Variants in SGCZ observed in about 807,000 individuals in gnomAD.
The protein encoded by SGCZ is zeta-sarcoglycan.
SGCZ carries 40 observed loss-of-function variants against 41.3 expected under a neutral mutation model. The observed-to-expected ratio is 0.97, with a 90% CI of 0.75 to 1.26. The LOEUF (loss-of-function observed/expected upper bound fraction) is 1.26, where lower values mean the gene tolerates loss of function less well. Among genes scored for constraint, SGCZ ranks in the 50% most tolerant of loss-of-function variants. The pLI, the probability that SGCZ is intolerant of heterozygous loss-of-function variation, is 0.00. For synonymous variants in SGCZ, 206 were observed against 137.5 expected (o/e 1.50, Z -3.49); for missense variants, 552 against 369.8 (o/e 1.49, Z -4.04).
chr8:14,253,815 G>C (rs1799370476), intron 3 of SGCZ, among the ~76,000 whole-genome samples: 1 of 151,968 alleles, frequency 6.6e-6, no homozygotes, highest in South Asian at 2.1e-4. Context: ...ATAAACATTA[G>C]CAAATATTGG....
At chr8:14,545,605 C>A (rs1803601847) in intron 2 of SGCZ, among the ~76,000 whole-genome samples, 1 of 151,996 alleles carries the variant, frequency 6.6e-6, no homozygotes, top group African/African-American at 2.4e-5. Context: ...TCATAAAGTT[C>A]AATGTGTTTA....
rs921302240 is a variant in SGCZ at position 14,500,522 on chromosome 8, A to G, written c.234+54210T>C. Among the ~76,000 whole-genome samples, 3 of 152,122 alleles carry G rather than the reference A, an allele frequency of 2.0e-5. No homozygotes were observed. In the South Asian group the frequency reaches 6.2e-4, roughly 32 times the overall value. On this transcript the variant is annotated intron_variant, in intron 2 of 7. Coordinates refer to ENST00000382080, the MANE Select transcript of SGCZ (RefSeq NM_139167.4). ...TTTAAGTAGACAAAATGGTTCTGCA[A>G]ATAACAATTTTTTCAAGATACAGCA... is the stretch of plus-strand genomic sequence containing the variant.
intron 1 of SGCZ, among the ~76,000 whole-genome samples, chr8:14,723,549 C>G (rs1017046993): frequency 6.6e-6 from 1 of 152,112 alleles, no homozygotes; most frequent in Non-Finnish European, 1.5e-5. Context: ...GGTGCCCATC[C>G]CTCAGGGCAC....
chr8:14,138,785 G>A (rs924945618), intron 5 of SGCZ, among the ~76,000 whole-genome samples: 1 of 152,156 alleles, frequency 6.6e-6, no homozygotes, highest in African/African-American at 2.4e-5. Context: ...AGATCAATGA[G>A]ACAGAAAGTT....
At chr8:14,738,524 A>G (rs1272910371) in intron 1 of SGCZ, among the ~76,000 whole-genome samples, 1 of 152,078 alleles carries the variant, frequency 6.6e-6, no homozygotes, top group African/African-American at 2.4e-5. Context: ...TTAGTCCTCA[A>G]TAGGAGCAGT....
chr8:14,478,628 A>T (rs532399602), intron 2 of SGCZ, among the ~76,000 whole-genome samples: 3 of 152,218 alleles, frequency 2.0e-5, no homozygotes, highest in East Asian at 3.9e-4. Context: ...CAGATTTTTT[A>T]AAAAATGAAA....
At chr8:14,169,697 C>G (rs1369134862) in intron 4 of SGCZ, among the ~76,000 whole-genome samples, 1 of 152,146 alleles carries the variant, frequency 6.6e-6, no homozygotes, top group African/African-American at 2.4e-5. Flanking sequence ...GCATTATTTT[C>G]TCTGACCAAA....
chr8:14,216,586 C>T (rs1806000814), intron 4 of SGCZ, among the ~76,000 whole-genome samples: 1 of 152,128 alleles, frequency 6.6e-6, no homozygotes, highest in African/African-American at 2.4e-5. Context: ...GGGATTTATT[C>T]TAGGTATGCC....
At chr8:14,377,407 T>C (rs1445561210) in intron 2 of SGCZ, among the ~76,000 whole-genome samples, 1 of 152,250 alleles carries the variant, frequency 6.6e-6, no homozygotes, top group South Asian at 2.1e-4. Flanking sequence ...AATCAACTGG[T>C]AATAGGAAGT....
At chr8:14,207,867 G>A (rs988519075) in intron 4 of SGCZ, among the ~76,000 whole-genome samples, 1 of 151,700 alleles carries the variant, frequency 6.6e-6, no homozygotes, top group Non-Finnish European at 1.5e-5. Flanking sequence ...TGCGATTTGG[G>A]GTAGATCTGA....
chr8:14,273,884 G>C (rs1800140555), intron 3 of SGCZ, among the ~76,000 whole-genome samples: 1 of 152,108 alleles, frequency 6.6e-6, no homozygotes, highest in African/African-American at 2.4e-5. Flanking sequence ...TTAGAAGTCT[G>C]AAAGAGGTAA....
chr8:14,676,859 A>G (rs1428189591), intron 1 of SGCZ, among the ~76,000 whole-genome samples: 1 of 152,184 alleles, frequency 6.6e-6, no homozygotes, highest in Non-Finnish European at 1.5e-5. Context: ...CTAACACCAT[A>G]CTTAACGGCT....
chr8:15,214,989 T>C (rs1388364484), intron 1 of SGCZ, among the ~76,000 whole-genome samples: 1 of 152,196 alleles, frequency 6.6e-6, no homozygotes, highest in Non-Finnish European at 1.5e-5. Flanking sequence ...TTGATATTCT[T>C]CCCACACACT....
At chr8:14,657,777 G>T (rs991444615) in intron 1 of SGCZ, among the ~76,000 whole-genome samples, 2 of 152,096 alleles carry the variant, frequency 1.3e-5, no homozygotes, top group African/African-American at 4.8e-5. Context: ...ACTATAGTTT[G>T]TTTTATGTAT....
At chr8:14,567,108 T>C (rs552412536) in intron 1 of SGCZ, among the ~76,000 whole-genome samples, 10 of 152,338 alleles carry the variant, frequency 6.6e-5, no homozygotes, top group Non-Finnish European at 8.8e-5. Flanking sequence ...CAGCCCGCCA[T>C]GCCTGAGCCT....
At chr8:14,966,244 T>C (rs912189016) in intron 1 of SGCZ, among the ~76,000 whole-genome samples, 4 of 151,844 alleles carry the variant, frequency 2.6e-5, no homozygotes, top group Non-Finnish European at 4.4e-5. Flanking sequence ...AGGGGAAATA[T>C]TGATGTCATC....
intron 1 of SGCZ, among the ~76,000 whole-genome samples, chr8:14,559,698 T>C (rs969512546): frequency 1.3e-5 from 2 of 152,110 alleles, no homozygotes; most frequent in African/African-American, 4.8e-5. Context: ...TTTTTTACCA[T>C]TGAGGCATGT....
chr8:14,519,653 G>A (rs1479381139), intron 2 of SGCZ, among the ~76,000 whole-genome samples: 1 of 152,010 alleles, frequency 6.6e-6, no homozygotes, highest in Non-Finnish European at 1.5e-5. Context: ...ACCTTTCTTC[G>A]TGTATATTTA....
chr8:15,086,532 T>C (rs1019904681), intron 1 of SGCZ, among the ~76,000 whole-genome samples: 1 of 152,182 alleles, frequency 6.6e-6, no homozygotes, highest in Non-Finnish European at 1.5e-5. Context: ...TCTTCCACAA[T>C]GCAATATTTG....
Sources: allele counts gnomAD v4.1 joint callset (sites outside exome capture counted in the v4.1 genomes callset), GRCh38; gene constraint gnomAD v4.1.1; transcripts MANE v1.5; gene names NCBI Gene and HGNC (gene_info 2026-07-23, HGNC 2026-07-21).